Variants in NRBP1 observed in about 807,000 individuals in gnomAD.
The protein encoded by NRBP1 is nuclear receptor binding protein 1.
NRBP1 carries 10 observed loss-of-function variants against 76.0 expected under a neutral mutation model. The ratio of observed to expected loss-of-function variants is 0.13; its 90% CI spans 0.08 to 0.22. The LOEUF (loss-of-function observed/expected upper bound fraction) is 0.22, where lower values mean the gene tolerates loss of function less well. Ranked by LOEUF, NRBP1 falls within the 10% of genes least tolerant of loss-of-function variation. NRBP1 has a pLI of 1.00. For missense variants in NRBP1, 344 were observed against 646.0 expected (o/e 0.53, Z 5.07); for synonymous variants, 235 against 240.2 (o/e 0.98, Z 0.20).
chr2:27,433,962 T>C (rs1340250773), intron 3 of NRBP1, 27 bp from the exon 4 acceptor site: 2 of 1,603,654 alleles, frequency 1.2e-6, no homozygotes, highest in Non-Finnish European at 1.7e-6. Flanking sequence ...TGTGACTCTG[T>C]TATTCCACTG....
At position 27,435,154 on chromosome 2, in the gene NRBP1, C is replaced by A. The variant is rs1262737697; in HGVS notation, c.588C>A (p.Pro196=). ...SALSYLHSCD[P]PIIHGNLTCD... ...ACAGCTACCTGCACTCCTGTGACCCCCCCATCATCCATGGGAACCTGACCT... is the reference window on the plus strand; with the variant it reads ...ACAGCTACCTGCACTCCTGTGACCCACCCATCATCCATGGGAACCTGACCT... The change falls in exon 7 of 18, where the codon CCC becomes CCA. Residue 196 remains proline (P), a synonymous_variant. Transcript: ENST00000379852. 3.1e-6 allele frequency: 5 copies of A among 1,614,100 alleles called. No individual in the cohort carries two copies. In the East Asian group the frequency reaches 1.1e-4, roughly 36 times the overall value.
rs757867684 is a variant in NRBP1, at chr2:27,435,152, C to A, written c.586C>A (p.Pro196Thr). 1.2e-6 allele frequency: 2 copies of A among 1,613,910 alleles called. No homozygotes were observed. The highest frequency in any genetic ancestry group is 1.1e-5 in the South Asian group (1 of 91,072). ...CCACAGCTACCTGCACTCCTGTGAC[C>A]CCCCCATCATCCATGGGAACCTGAC... ...SALSYLHSCD[P>T]PIIHGNLTCD... is the part of the protein sequence containing the mutation. Residue 196 changes from proline (P) to threonine (T), a missense_variant, in exon 7 of 18, where the codon CCC becomes ACC. Physicochemically the swap from Pro to Thr is conservative, Grantham distance 38 (BLOSUM62 -1). Around this residue, in one of 3 missense-constraint regions of NRBP1, gnomAD observed 73 missense variants for 287.8 expected, o/e 0.25. Coordinates refer to ENST00000379852, the MANE Select transcript of NRBP1 (RefSeq NM_013392.4).
chr2:27,439,992 ATTCTTTTTTTTTTTTT>A (rs1664464663), intron 11 of NRBP1, 94 bp downstream of exon 11: 13 of 234,434 alleles, frequency 5.5e-5, no homozygotes, highest in East Asian at 2.6e-4. Context: ...TTCCAAAGGG[ATTCTTTTTTTTTTTTT>A]TTTTTTTTTT....
chr2:27,439,998 T>A, intron 11 of NRBP1, 100 bp downstream of exon 11: 3 of 224,294 alleles, frequency 1.3e-5, no homozygotes, highest in Non-Finnish European at 1.8e-5. Context: ...AGGGATTCTT[T>A]TTTTTTTTTT....
Position 27,442,051 on chromosome 2 carries a change from CG to C in NRBP1, c.*240del, listed in dbSNP as rs905707246. 1.9e-5 allele frequency: 10 copies of C among 535,042 alleles called. No homozygotes were observed. Among genetic ancestry groups the C allele is most frequent in the Admixed American group, 1.5e-4 (4 of 27,292 alleles). 33.1% of individuals were successfully genotyped at this position (535,042 alleles called of 1,614,324 possible). A position where few individuals can be genotyped will look rare whatever the true frequency, so the allele number is the denominator to read the frequency against. ...CGTGGGCCTGGGCCTTCTCAGCAGC[CG>C]CCTTCTAGTTGGGGGCTAGTCGCTG... On this transcript the variant is annotated 3_prime_UTR_variant, in exon 18 of 18. Transcript: ENST00000379852.
At position 27,440,811 on chromosome 2, in the gene NRBP1, G is replaced by T. The variant is rs1209903399; in HGVS notation, c.1200G>T (p.Gly400=). ...LDKFLEDVRN[G]IYPLTAFGLP... is the part of the protein sequence containing the mutation. ...TGTCTTCATCTCCCTCCAGGAATGG[G>T]ATCTATCCTCTGACAGCCTTTGGGC... Residue 400 remains glycine, a synonymous_variant, in exon 14 of 18, where the codon GGG becomes GGT. Transcript: ENST00000379852. The T allele has an allele frequency of 1.5e-5, 24 of 1,613,910 alleles. No individual in the cohort carries two copies. The highest frequency in any genetic ancestry group is 1.9e-5 in the Non-Finnish European group (23 of 1,180,046).
intron 10 of NRBP1, among the ~76,000 whole-genome samples, chr2:27,439,131 GAT>G (rs1193294013): frequency 6.6e-6 from 1 of 152,118 alleles, no homozygotes; most frequent in African/African-American, 2.4e-5. Context: ...AATTTGGCAA[GAT>G]TTAGAAAAGA....
Position 27,433,431 on chromosome 2 carries a change from C to G in NRBP1, c.158C>G (p.Ser53Cys). The stretch of plus-strand genomic sequence containing the variant: ...GAAGAAGAAGAAAGTGAAGATGAGT[C>G]TGAGATTTTGGAAGAGTCGCCCTGT... ...PEEEEESEDE[S>C]EILEESPCGR... The change falls in exon 2 of 18, where the codon TCT becomes TGT. Residue 53 changes from serine (S) to cysteine (C), a missense_variant. Coordinates refer to ENST00000379852, the MANE Select transcript of NRBP1 (RefSeq NM_013392.4). 1 of 1,614,230 alleles carries G rather than the reference C, an allele frequency of 6.2e-7. No individual in the cohort carries two copies. Among genetic ancestry groups the G allele is most frequent in the Non-Finnish European group, 8.5e-7 (1 of 1,180,048 alleles).
chr2:27,433,909 G>A, intron 3 of NRBP1, 80 bp from the exon 4 acceptor site: 1 of 1,597,398 alleles, frequency 6.3e-7, no homozygotes, highest in Non-Finnish European at 8.6e-7. Context: ...GATCGTTTCT[G>A]GGGAGGGATA....
rs200888970 is a variant in NRBP1 at position 27,440,889 on chromosome 2, C to T, written c.1278C>T (p.Pro426=). 5 of 1,614,030 alleles carry T rather than the reference C, an allele frequency of 3.1e-6. No homozygotes were observed. The East Asian group carries it at 8.9e-5, about 29-fold the overall frequency. Residue 426 remains proline (P), a synonymous_variant, in exon 14 of 18, where the codon CCC becomes CCT. Coordinates refer to ENST00000379852, the MANE Select transcript of NRBP1 (RefSeq NM_013392.4). ...QQEEVTSPVV[P]PSVKTPTPEP... The stretch of plus-strand genomic sequence containing the variant: ...AGGAGGTGACATCACCTGTCGTGCC[C>T]CCCTCTGTCAAGACTCCGACACCTG...
intron 4 of NRBP1, 22 bp from the exon 5 acceptor site, chr2:27,434,449 A>G: frequency 6.5e-7 from 1 of 1,547,308 alleles, no homozygotes. Context: ...AAGGCCTTTT[A>G]GTAAGTGCTT....
At chr2:27,439,991 GATTCTTTTTTTT>G in intron 11 of NRBP1, 93 bp downstream of exon 11, 11 of 356,788 alleles carry the variant, frequency 3.1e-5, no homozygotes, top group African/African-American at 1.1e-4. Context: ...TTTCCAAAGG[GATTCTTTTTTTT>G]TTTTTTTTTT....
chr2:27,436,214 C>T (rs989804158), intron 7 of NRBP1: 1 of 220,806 alleles, frequency 4.5e-6, no homozygotes, highest in Non-Finnish European at 9.1e-6. Flanking sequence ...TTTTGAGTTT[C>T]ACTCAGCAAA....
intron 13 of NRBP1, 31 bp from the exon 14 acceptor site, chr2:27,440,774 G>A (rs756003874): frequency 6.2e-7 from 1 of 1,613,958 alleles, no homozygotes; most frequent in African/African-American, 1.3e-5. Flanking sequence ...CGTTCACAGA[G>A]CCCATGTGAC....
intron 10 of NRBP1, among the ~76,000 whole-genome samples, chr2:27,438,185 A>T (rs1171200416): frequency 6.6e-6 from 1 of 152,158 alleles, no homozygotes; most frequent in Non-Finnish European, 1.5e-5. Context: ...CTCAAAAAAA[A>T]AAAAAAAGTA....
At chr2:27,432,510 T>C (rs1341184487) in intron 1 of NRBP1, among the ~76,000 whole-genome samples, 1 of 152,230 alleles carries the variant, frequency 6.6e-6, no homozygotes, top group Non-Finnish European at 1.5e-5. Flanking sequence ...TCCAGGCTGG[T>C]CTCAAATGCC....
intron 1 of NRBP1, among the ~76,000 whole-genome samples, chr2:27,430,991 G>A (rs2148444474): frequency 6.6e-6 from 1 of 152,046 alleles, no homozygotes; most frequent in Middle Eastern, 3.4e-3. Context: ...TGTACCTTGA[G>A]TTATTTATAC....
intron 7 of NRBP1, 193 bp from the exon 8 acceptor site, chr2:27,436,560 C>T: frequency 1.7e-6 from 1 of 583,448 alleles, no homozygotes; most frequent in Non-Finnish European, 3.1e-6. Flanking sequence ...AAGCAGTAGG[C>T]CTAAGAAAGG....
At chr2:27,439,216 G>C (rs943364920) in intron 10 of NRBP1, among the ~76,000 whole-genome samples, 1 of 152,062 alleles carries the variant, frequency 6.6e-6, no homozygotes, top group Non-Finnish European at 1.5e-5. Context: ...GGCCGGGCGC[G>C]GTGTCTCATG....
Sources: gnomAD v4.1 joint callset for allele counts (sites outside exome capture counted in the v4.1 genomes callset) on GRCh38, gnomAD v4.1.1 for gene constraint, gnomAD v4.1.1 regional missense constraint, MANE v1.5 for transcripts, NCBI Gene and HGNC (gene_info 2026-07-23, HGNC 2026-07-21) for gene names.